The following TCAIM variants were observed in gnomAD, a reference collection of about 807,000 sequenced individuals.
TCAIM encodes T-cell activation inhibitor, mitochondrial.
Under a neutral mutation model 58.6 loss-of-function variants are expected in TCAIM, and 36 were observed. That is an observed-to-expected ratio of 0.61 (90% confidence interval 0.47 to 0.81). TCAIM has a LOEUF of 0.81. Ranked by LOEUF, TCAIM falls within the 30% of genes least tolerant of loss-of-function variation. TCAIM has a pLI of 0.00. For missense variants in TCAIM, 466 were observed against 579.6 expected (o/e 0.80, Z 2.01); for synonymous variants, 172 against 193.6 (o/e 0.89, Z 0.93).
Position 44,352,779 on chromosome 3 carries a change from G to A in TCAIM, c.-44-1960G>A, listed in dbSNP as rs972662935. ...CTGCCCTAAAAATCCTCTGAGCTCTGCCTGTTCATCCCTCCCTATCGATTA... is the reference window on the plus strand; with the variant it reads ...CTGCCCTAAAAATCCTCTGAGCTCTACCTGTTCATCCCTCCCTATCGATTA... On this transcript the variant is annotated intron_variant, in intron 1 of 10. Transcript: ENST00000342649. Among the ~76,000 whole-genome samples, 6 of 151,974 alleles carry A rather than the reference G, an allele frequency of 3.9e-5. No individual in the cohort carries two copies. In the South Asian group the frequency reaches 1.0e-3, roughly 26 times the overall value.
chr3:44,407,359 G>T, intron 10 of TCAIM, 83 bp from the exon 11 acceptor site: 2 of 1,156,280 alleles, frequency 1.7e-6, no homozygotes, highest in South Asian at 1.8e-5. Flanking sequence ...CAACATGTAA[G>T]AATATATTTA....
chr3:44,352,923 C>CTTTTTTTTTTTTTTTTTTTT (rs61357631), intron 1 of TCAIM, among the ~76,000 whole-genome samples: 1 of 131,750 alleles, frequency 7.6e-6, no homozygotes, highest in Non-Finnish European at 1.6e-5. Context: ...AGATTGACTT[C>CTTTTTTTTTTTTTTTTTTTT]TTTTTTTTTT....
At chr3:44,340,943 A>G (rs1700843311) in intron 1 of TCAIM, 1 of 152,212 alleles carries the variant, frequency 6.6e-6, no homozygotes, top group African/African-American at 2.4e-5. Context: ...AAGAGCTTAC[A>G]GGAAATACTC....
intron 8 of TCAIM, among the ~76,000 whole-genome samples, chr3:44,398,378 C>T (rs566648841): frequency 7.2e-5 from 11 of 152,008 alleles, no homozygotes; most frequent in East Asian, 1.9e-4. Context: ...TGCAGTGAGC[C>T]GAGATTGCGC....
chr3:44,368,467 C>T (rs1294952939), intron 5 of TCAIM, among the ~76,000 whole-genome samples: 1 of 152,126 alleles, frequency 6.6e-6, no homozygotes, highest in African/African-American at 2.4e-5. Flanking sequence ...TGCTACCTAG[C>T]TAGATTCTAA....
intron 4 of TCAIM, among the ~76,000 whole-genome samples, chr3:44,364,708 T>G (rs370078017): frequency 6.7e-6 from 1 of 149,392 alleles, no homozygotes; most frequent in Non-Finnish European, 1.5e-5. Flanking sequence ...CAGGCACCAC[T>G]GCACTCCAGC....
At chr3:44,372,190 T>A (rs1701489087) in intron 5 of TCAIM, among the ~76,000 whole-genome samples, 1 of 152,142 alleles carries the variant, frequency 6.6e-6, no homozygotes, top group South Asian at 2.1e-4. Context: ...TTGGTACCCG[T>A]GGGTGGGCTT....
intron 2 of TCAIM, among the ~76,000 whole-genome samples, chr3:44,355,561 T>C (rs562931296): frequency 6.6e-6 from 1 of 152,320 alleles, no homozygotes; most frequent in East Asian, 1.9e-4. Context: ...AGTAGACTAA[T>C]TATGTACAGT....
intron 1 of TCAIM, among the ~76,000 whole-genome samples, chr3:44,351,290 G>C (rs1011977904): frequency 6.6e-6 from 1 of 151,476 alleles, no homozygotes; most frequent in Non-Finnish European, 1.5e-5. Context: ...TCTTTCTTAC[G>C]GAGCAAAGAG....
intron 1 of TCAIM, among the ~76,000 whole-genome samples, chr3:44,349,577 C>T (rs982506560): frequency 7.9e-5 from 12 of 151,992 alleles, no homozygotes; most frequent in African/African-American, 2.9e-4. Flanking sequence ...TGCTTGCCAC[C>T]AAAGTGAAGG....
At chr3:44,407,160 A>G (rs927101307) in intron 10 of TCAIM, among the ~76,000 whole-genome samples, 1 of 152,186 alleles carries the variant, frequency 6.6e-6, no homozygotes, top group African/African-American at 2.4e-5. Flanking sequence ...GTAAGGCAAT[A>G]TAAGAGCTTT....
intron 2 of TCAIM, among the ~76,000 whole-genome samples, chr3:44,357,459 TATC>T (rs1370423523): frequency 6.6e-6 from 1 of 152,216 alleles, no homozygotes. Flanking sequence ...AGAAAATTGT[TATC>T]ATTTGCAGTG....
chr3:44,338,146 T>TCCCCAAGATCCAGCG (rs1325390225), upstream of TCAIM: 2 of 152,412 alleles, frequency 1.3e-5, no homozygotes, highest in Non-Finnish European at 2.9e-5. Context: ...TTCCCCTTCT[T>TCCCCAAGATCCAGCG]CCCCAAGATC....
Position 44,353,452 on chromosome 3 carries a change from T to C in TCAIM, c.-44-1287T>C, listed in dbSNP as rs373848752. The stretch of plus-strand genomic sequence containing the variant: ...TTTGTAAATTACCAAGGACTACTAT[T>C]GCTGTATAGTATGGTAAGAGTATGT... On this transcript the variant is annotated intron_variant, in intron 1 of 10. Coordinates refer to ENST00000342649, the MANE Select transcript of TCAIM (RefSeq NM_173826.4). 9.8e-5 allele frequency among the ~76,000 whole-genome samples: 15 copies of C among 152,376 alleles called. No homozygotes were observed. In the East Asian group the frequency reaches 2.5e-3, roughly 25 times the overall value.
chr3:44,358,993 T>C (rs952807653), intron 3 of TCAIM: 1 of 984,702 alleles, frequency 1.0e-6, no homozygotes, highest in East Asian at 1.1e-4. Context: ...ATTCATTAAC[T>C]CGGGGATGCA....
chr3:44,385,748 CA>C (rs967670678), intron 5 of TCAIM, among the ~76,000 whole-genome samples: 2 of 150,926 alleles, frequency 1.3e-5, no homozygotes, highest in African/African-American at 2.4e-5. Flanking sequence ...TTCTCAAAAA[CA>C]AAAAAAATCT....
chr3:44,378,388 C>T (rs1250993192), intron 5 of TCAIM, among the ~76,000 whole-genome samples: 1 of 150,808 alleles, frequency 6.6e-6, no homozygotes, highest in Non-Finnish European at 1.5e-5. Context: ...CCCAACCCTA[C>T]CCCCCCAAAA....
intron 1 of TCAIM, 97 bp from the exon 2 acceptor site, chr3:44,354,642 C>T: frequency 1.3e-6 from 1 of 765,660 alleles, no homozygotes; most frequent in Non-Finnish European, 2.1e-6. Flanking sequence ...AGATTAATAA[C>T]TAAGTATTTC....
At chr3:44,386,096 C>T (rs1701735284) in intron 5 of TCAIM, among the ~76,000 whole-genome samples, 1 of 149,994 alleles carries the variant, frequency 6.7e-6, no homozygotes, top group Non-Finnish European at 1.5e-5. Context: ...ACCTATAATC[C>T]CAGCTACTCA....
Sources: gnomAD v4.1 joint callset for allele counts (sites outside exome capture counted in the v4.1 genomes callset) on GRCh38, gnomAD v4.1.1 for gene constraint, MANE v1.5 for transcripts, NCBI Gene and HGNC (gene_info 2026-07-23, HGNC 2026-07-21) for gene names.